Variants in SLC25A53 observed in about 807,000 individuals in gnomAD.
The protein encoded by SLC25A53 is solute carrier family 25 member 53.
A neutral mutation model predicts 15.0 loss-of-function variants in SLC25A53; 5 were observed. That is an observed-to-expected ratio of 0.33 (90% confidence interval 0.17 to 0.70). The LOEUF (loss-of-function observed/expected upper bound fraction) is 0.70. SLC25A53 is among the 30% of genes least tolerant of loss of function. The pLI is 0.67. For missense variants in SLC25A53, 216 were observed against 241.6 expected (o/e 0.89, Z 0.70); for synonymous variants, 95 against 100.0 (o/e 0.95, Z 0.30).
chrX:104,130,027 C>A (rs1556365186), intron 1 of SLC25A53, among the ~76,000 whole-genome samples: 1 of 110,333 alleles, frequency 9.1e-6, no homozygotes. Context: ...AGTAGTTTAT[C>A]TTGGACTGCA....
Position 104,104,753 on chromosome X carries a change from GC to G in SLC25A53, c.504del (p.Arg169GlyfsTer59). 8.3e-7 allele frequency: 1 copy of G among 1,211,209 alleles called. No homozygotes were observed. The highest frequency in any genetic ancestry group is 1.1e-6 in the Non-Finnish European group (1 of 895,434). ...LKEFNSYGLW[G>X]RLSLGYYRGF... is the part of the protein sequence containing the mutation. ...CCACGATAGTAGCCCAGTGACAGCC[GC>G]CCCCAAAGCCCATAAGAATTGAATT... On this transcript the variant is annotated frameshift_variant, in exon 2 of 2. Coordinates refer to ENST00000594199, the MANE Select transcript of SLC25A53 (RefSeq NM_001012755.5). LOFTEE classifies it high-confidence loss of function.
intron 1 of SLC25A53, among the ~76,000 whole-genome samples, chrX:104,119,219 T>C (rs1324534384): frequency 1.8e-5 from 2 of 112,340 alleles, no homozygotes; most frequent in African/African-American, 6.5e-5. Context: ...GCAGTAAATG[T>C]AGATTTTATG....
At chrX:104,106,130 C>T (rs782621646) in intron 1 of SLC25A53, among the ~76,000 whole-genome samples, 15 of 110,768 alleles carry the variant, frequency 1.4e-4, no homozygotes, top group Non-Finnish European at 2.5e-4. Flanking sequence ...GAGACCTTGC[C>T]AAATGTCCCC....
chrX:104,099,920 G>T lies in SLC25A53; in HGVS notation c.*4414C>A, dbSNP rs112109637. On this transcript the variant is annotated 3_prime_UTR_variant, in exon 2 of 2. Coordinates refer to ENST00000594199, the MANE Select transcript of SLC25A53 (RefSeq NM_001012755.5). ...AGGGTCACTAGTTGGAAATGATGAGGGAGGGAGTATTAAAAGATTTGAGGA... is the reference window on the plus strand; with the variant it reads ...AGGGTCACTAGTTGGAAATGATGAGTGAGGGAGTATTAAAAGATTTGAGGA... 55 of 111,385 alleles carry T rather than the reference G, an allele frequency of 4.9e-4. No individual in the cohort carries two copies. Among genetic ancestry groups the T allele is most frequent in the African/African-American group, 1.8e-3 (54 of 30,613 alleles). The allele number at this position is 111,385 out of a possible 1,213,427, so 9.2% of individuals were successfully genotyped here.
chrX:104,132,338 C>G (rs2147875395), intron 1 of SLC25A53, among the ~76,000 whole-genome samples: 1 of 111,865 alleles, frequency 8.9e-6, no homozygotes, highest in South Asian at 3.7e-4. Context: ...TCCTGGGAAG[C>G]CCCAACTGGG....
At chrX:104,109,493 A>G (rs1395951893) in intron 1 of SLC25A53, among the ~76,000 whole-genome samples, 1 of 112,721 alleles carries the variant, frequency 8.9e-6, no homozygotes, top group African/African-American at 3.2e-5. Context: ...AAGTTATATT[A>G]GCAGTTTCAT....
Position 104,115,002 on chromosome X carries a change from C to T in SLC25A53, c.-31-9714G>A, listed in dbSNP as rs782503866. On this transcript the variant is annotated intron_variant, in intron 1 of 1. Transcript: ENST00000594199. ...TGACACCTACAGGTGCCCCTCCCTT[C>T]AGAGGAAGAGCCAGACCTCTGGATC... 223 of 1,191,636 alleles carry T rather than the reference C, an allele frequency of 1.9e-4. No homozygotes were observed. Among genetic ancestry groups the T allele is most frequent in the Non-Finnish European group, 2.4e-4 (215 of 885,696 alleles).
chrX:104,110,340 C>T (rs1205616325), intron 1 of SLC25A53, among the ~76,000 whole-genome samples: 1 of 111,655 alleles, frequency 9.0e-6, no homozygotes, highest in Non-Finnish European at 1.9e-5. Context: ...CTTCTCCATA[C>T]ATCCACACTT....
At chrX:104,107,958 G>C (rs1232935407) in intron 1 of SLC25A53, among the ~76,000 whole-genome samples, 1 of 112,091 alleles carries the variant, frequency 8.9e-6, no homozygotes, top group Non-Finnish European at 1.9e-5. Flanking sequence ...CTGTCAGAGG[G>C]GGGTGATATT....
At chrX:104,147,531 A>G (rs2075471664) in intron 1 of SLC25A53, among the ~76,000 whole-genome samples, 1 of 102,716 alleles carries the variant, frequency 9.7e-6, no homozygotes, top group African/African-American at 3.5e-5. Context: ...AAACGGGAGA[A>G]AATTTTTGCA....
intron 1 of SLC25A53, among the ~76,000 whole-genome samples, chrX:104,154,489 C>T (rs1405028970): frequency 8.9e-6 from 1 of 112,157 alleles, no homozygotes; most frequent in Non-Finnish European, 1.9e-5. Flanking sequence ...GGGTATATAT[C>T]CAAAGAATTT....
At chrX:104,132,769 A>G (rs1360878795) in intron 1 of SLC25A53, among the ~76,000 whole-genome samples, 2 of 112,253 alleles carry the variant, frequency 1.8e-5, no homozygotes, top group African/African-American at 3.2e-5. Flanking sequence ...GTAGGCCCCA[A>G]TCAATTCCCT....
At chrX:104,109,294 T>G (rs1434694408) in intron 1 of SLC25A53, among the ~76,000 whole-genome samples, 1 of 111,762 alleles carries the variant, frequency 8.9e-6, no homozygotes, top group East Asian at 2.8e-4. Context: ...GGCACAGAGA[T>G]GGGCTCTGGA....
At chrX:104,107,316 CT>C (rs1192320438) in intron 1 of SLC25A53, among the ~76,000 whole-genome samples, 1 of 112,216 alleles carries the variant, frequency 8.9e-6, no homozygotes, top group Non-Finnish European at 1.9e-5. Context: ...CCATGATGGC[CT>C]TGAGCCTCAG....
chrX:104,119,473 A>G (rs2075387068), intron 1 of SLC25A53, among the ~76,000 whole-genome samples: 1 of 111,791 alleles, frequency 8.9e-6, no homozygotes, highest in Non-Finnish European at 1.9e-5. Flanking sequence ...GGCAACAAAT[A>G]TCATGGAAAG....
chrX:104,129,025 T>C (rs781802768), intron 1 of SLC25A53, among the ~76,000 whole-genome samples: 9 of 111,948 alleles, frequency 8.0e-5, no homozygotes, highest in African/African-American at 2.9e-4. Flanking sequence ...TAATAAATTA[T>C]ATGCAGTATT....
chrX:104,110,477 G>A (rs1271009036), intron 1 of SLC25A53, among the ~76,000 whole-genome samples: 1 of 111,994 alleles, frequency 8.9e-6, no homozygotes, highest in Admixed American at 9.4e-5. Context: ...GTAAATAAGA[G>A]GGCGGAAAGG....
At chrX:104,112,439 G>T (rs1265964938) in intron 1 of SLC25A53, 1 of 113,976 alleles carries the variant, frequency 8.8e-6, no homozygotes, top group Non-Finnish European at 1.9e-5. Flanking sequence ...CCCCCTTCTT[G>T]CTAGCAGTAG....
chrX:104,141,853 G>T (rs2075451569), intron 1 of SLC25A53, among the ~76,000 whole-genome samples: 1 of 111,668 alleles, frequency 9.0e-6, no homozygotes, highest in Non-Finnish European at 1.9e-5. Context: ...CTCCCAAATT[G>T]CTGGGATTAC....
Sources: allele counts gnomAD v4.1 joint callset (sites outside exome capture counted in the v4.1 genomes callset), GRCh38; gene constraint gnomAD v4.1.1; transcripts MANE v1.5; gene names NCBI Gene and HGNC (gene_info 2026-07-23, HGNC 2026-07-21).